Variants in KANK1 observed in about 807,000 individuals in gnomAD.
KANK1 encodes the protein KN motif and ankyrin repeat domain-containing protein 1.
Under a neutral mutation model 106.2 loss-of-function variants are expected in KANK1, and 109 were observed. The ratio of observed to expected loss-of-function variants is 1.03; its 90% confidence interval spans 0.88 to 1.20. The LOEUF (loss-of-function observed/expected upper bound fraction) is 1.20, where lower values mean the gene tolerates loss of function less well. KANK1 is among the 50% of genes most tolerant of loss of function. The probability of loss-of-function intolerance (pLI) is 0.00; values close to 1 mark genes in which losing one functional copy is unlikely to be tolerated. For missense variants in KANK1, 2,399 were observed against 1,710.7 expected, an observed-to-expected ratio of 1.40 and a Z score of -7.10; for synonymous variants, 873 against 652.2, an observed-to-expected ratio of 1.34 and a Z score of -5.16.
At chr9:564,765 T>C (rs556859779) in intron 1 of KANK1, among the ~76,000 whole-genome samples, 50 of 152,368 alleles carry the variant, frequency 3.3e-4, no homozygotes, top group African/African-American at 1.2e-3. Context: ...TTCTCTGTGC[T>C]TCTTAATTCA....
At chr9:703,014 C>T (rs1823073810) in intron 2 of KANK1, among the ~76,000 whole-genome samples, 1 of 151,936 alleles carries the variant, frequency 6.6e-6, no homozygotes, top group Non-Finnish European at 1.5e-5. Context: ...TTTTTTCAGA[C>T]GGAGTCTCTC....
intron 1 of KANK1, among the ~76,000 whole-genome samples, chr9:515,047 A>G (rs2059216995): frequency 6.6e-6 from 1 of 151,834 alleles, no homozygotes; most frequent in Non-Finnish European, 1.5e-5. Flanking sequence ...CAAAGTAGAA[A>G]AACAAAGCCA....
intron 1 of KANK1, among the ~76,000 whole-genome samples, chr9:601,538 A>G (rs1177795884): frequency 6.6e-6 from 1 of 151,826 alleles, no homozygotes; most frequent in East Asian, 1.9e-4. Flanking sequence ...AGAAGACCAC[A>G]AAAGCAATGA....
intron 1 of KANK1, among the ~76,000 whole-genome samples, chr9:658,829 G>T (rs1312625255): frequency 1.3e-5 from 2 of 152,052 alleles, no homozygotes; most frequent in African/African-American, 4.8e-5. Context: ...GCTGTATGCT[G>T]TTCCTGGGAC....
At chr9:727,760 C>A (rs1831132046) in intron 3 of KANK1, among the ~76,000 whole-genome samples, 1 of 150,182 alleles carries the variant, frequency 6.7e-6, no homozygotes, top group Non-Finnish European at 1.5e-5. Flanking sequence ...TCACACAATA[C>A]ATGGAATTTT....
chr9:534,334 C>T (rs954877588), intron 1 of KANK1, among the ~76,000 whole-genome samples: 1 of 152,174 alleles, frequency 6.6e-6, no homozygotes, highest in Non-Finnish European at 1.5e-5. Context: ...CGGTTGGCTA[C>T]ATGTGCTTTG....
intron 3 of KANK1, among the ~76,000 whole-genome samples, chr9:715,711 A>G (rs1000078319): frequency 7.4e-4 from 113 of 152,368 alleles, no homozygotes; most frequent in African/African-American, 2.5e-3. Flanking sequence ...TCACAATGGC[A>G]GCCCCTCTCA....
At chr9:632,500 A>G (rs925394124) in intron 1 of KANK1, among the ~76,000 whole-genome samples, 1 of 152,176 alleles carries the variant, frequency 6.6e-6, no homozygotes, top group East Asian at 1.9e-4. Context: ...ACTGGTGAAG[A>G]TGGAGGTTTT....
Position 586,875 on chromosome 9 carries a change from G to A in KANK1, c.-84+82121G>A, listed in dbSNP as rs561602604. Among the ~76,000 whole-genome samples, 4 of 152,288 alleles carry A rather than the reference G, an allele frequency of 2.6e-5. No homozygotes were observed. The East Asian group carries it at 7.7e-4, about 29-fold the overall frequency. On this transcript the variant is annotated intron_variant, in intron 1 of 11. Coordinates refer to ENST00000382297, the MANE Select transcript of KANK1 (RefSeq NM_015158.5). ...CTGGCCTGCCCCTGCACCCCCAGCA[G>A]GAAAGTGGCTTAACTGTACTTTGAT...
intron 1 of KANK1, among the ~76,000 whole-genome samples, chr9:517,061 C>T (rs902852477): frequency 1.2e-4 from 17 of 147,370 alleles, no homozygotes; most frequent in South Asian, 2.2e-4. Flanking sequence ...CTCAGAGCCA[C>T]GAGGGAGCTA....
At chr9:545,460 C>G (rs532727923) in intron 1 of KANK1, among the ~76,000 whole-genome samples, 1 of 152,084 alleles carries the variant, frequency 6.6e-6, no homozygotes, top group Non-Finnish European at 1.5e-5. Flanking sequence ...GTGATAAGAT[C>G]ACCTAGTTAG....
intron 3 of KANK1, among the ~76,000 whole-genome samples, chr9:498,761 A>G (rs2058498424): frequency 6.6e-6 from 1 of 152,238 alleles, no homozygotes. Flanking sequence ...TCTATAATCA[A>G]AAAGAGGATA....
At chr9:635,715 T>TTTTTTTTTTTTTG (rs1488932154) in intron 1 of KANK1, among the ~76,000 whole-genome samples, 3 of 146,088 alleles carry the variant, frequency 2.1e-5, no homozygotes, top group Non-Finnish European at 4.5e-5. Context: ...TTTTTTTTTT[T>TTTTTTTTTTTTTG]TGAGACGGAG....
intron 8 of KANK1, among the ~76,000 whole-genome samples, chr9:740,495 A>G (rs1449264526): frequency 3.3e-5 from 5 of 152,250 alleles, no homozygotes; most frequent in Admixed American, 3.3e-4. Context: ...AGCAACCAGT[A>G]GAACAACCAC....
chr9:723,067 GA>G (rs1829773138), intron 3 of KANK1, among the ~76,000 whole-genome samples: 1 of 152,180 alleles, frequency 6.6e-6, no homozygotes, highest in Non-Finnish European at 1.5e-5. Flanking sequence ...GCTGGTGAAG[GA>G]TGGCGAATTT....
intron 1 of KANK1, among the ~76,000 whole-genome samples, chr9:645,840 G>A (rs731881): frequency 0.64 from 95,678 of 150,538 alleles, 33,462 homozygotes; most frequent in African/African-American, 0.9. Flanking sequence ...CTCAAAAAAT[G>A]TGTATATTAT....
At chr9:694,589 G>T (rs1234910274) in intron 2 of KANK1, among the ~76,000 whole-genome samples, 1 of 152,162 alleles carries the variant, frequency 6.6e-6, no homozygotes, top group Non-Finnish European at 1.5e-5. Context: ...ACTGAACACT[G>T]GAGAAGAGGG....
chr9:621,678 C>A (rs530892899), intron 1 of KANK1, among the ~76,000 whole-genome samples: 2 of 152,032 alleles, frequency 1.3e-5, no homozygotes, highest in African/African-American at 4.8e-5. Context: ...GTTCCTCTTT[C>A]CTTCGCTCTC....
At chr9:556,399 C>T (rs9632892) in intron 1 of KANK1, among the ~76,000 whole-genome samples, 7,251 of 152,212 alleles carry the variant, frequency 0.048, 473 homozygotes, top group East Asian at 0.22. Context: ...CCTCTGACTA[C>T]GTGGTGAGTC....
Sources: allele counts gnomAD v4.1 joint callset (sites outside exome capture counted in the v4.1 genomes callset), GRCh38; gene constraint gnomAD v4.1.1; transcripts MANE v1.5; gene names NCBI Gene and HGNC (gene_info 2026-07-23, HGNC 2026-07-21).